OSBPL10: variants seen among roughly 807,000 people sequenced by gnomAD.
OSBPL10 encodes oxysterol binding protein like 10.
Under a neutral mutation model 81.7 loss-of-function variants are expected in OSBPL10, and 49 were observed. The ratio of observed to expected loss-of-function variants is 0.60; its 90% CI spans 0.48 to 0.76. The LOEUF (loss-of-function observed/expected upper bound fraction) is 0.76, where lower values mean the gene tolerates loss of function less well. OSBPL10 is among the 30% of genes least tolerant of loss of function. The pLI is 0.00. For missense variants in OSBPL10, 923 were observed against 987.8 expected (o/e 0.93, Z 0.88); for synonymous variants, 419 against 383.6 (o/e 1.09, Z -1.08).
intron 8 of OSBPL10, among the ~76,000 whole-genome samples, chr3:31,675,110 C>A (rs939361384): frequency 1.3e-5 from 2 of 152,160 alleles, no homozygotes; most frequent in Non-Finnish European, 2.9e-5. Context: ...GGCACCATAA[C>A]CTTGCCCCTG....
At position 31,748,899 on chromosome 3, in the gene OSBPL10, A is replaced by G. The variant is rs145007068; in HGVS notation, c.730-779T>C. Among the ~76,000 whole-genome samples the G allele has an allele frequency of 9.2e-5, 14 of 152,354 alleles. No individual in the cohort carries two copies. In the East Asian group the frequency reaches 2.7e-3, roughly 29 times the overall value. On this transcript the variant is annotated intron_variant, in intron 4 of 11. Transcript: ENST00000396556. ...GATCTAGAAAAGGACTTTAATGGTT[A>G]TCTTGTGAAGTTCATCCTCCTCATG... is the stretch of plus-strand genomic sequence containing the variant.
At chr3:31,890,313 C>T (rs188330388) in intron 1 of OSBPL10, among the ~76,000 whole-genome samples, 1 of 151,792 alleles carries the variant, frequency 6.6e-6, no homozygotes, top group East Asian at 1.9e-4. Context: ...TCAAAAACAG[C>T]CAAACCCCAG....
At chr3:31,829,097 A>T (rs1009723907) in intron 4 of OSBPL10, among the ~76,000 whole-genome samples, 3 of 152,192 alleles carry the variant, frequency 2.0e-5, no homozygotes, top group Admixed American at 6.5e-5. Context: ...TAAAAACTAA[A>T]GCCAGACGCA....
chr3:32,066,291 C>T (rs996157598), intron 1 of OSBPL10, among the ~76,000 whole-genome samples: 1 of 48,330 alleles, frequency 2.1e-5, no homozygotes, highest in East Asian at 4.3e-4. Flanking sequence ...ATAATCCTTT[C>T]AAGTCAGTTT....
intron 4 of OSBPL10, among the ~76,000 whole-genome samples, chr3:31,813,530 G>T (rs773136180): frequency 1.3e-5 from 2 of 152,210 alleles, no homozygotes; most frequent in Non-Finnish European, 2.9e-5. Context: ...ACTTCCTATT[G>T]TTGCCTTTAA....
intron 3 of OSBPL10, among the ~76,000 whole-genome samples, chr3:31,867,948 CATAGAATAGGTCT>C (rs1701223260): frequency 6.6e-6 from 1 of 152,138 alleles, no homozygotes; most frequent in African/African-American, 2.4e-5. Flanking sequence ...ACAGCCCAAA[CATAGAATAGGTCT>C]ATGGCCAAAG....
At chr3:31,773,392 C>T (rs771302617) in intron 4 of OSBPL10, among the ~76,000 whole-genome samples, 20 of 152,172 alleles carry the variant, frequency 1.3e-4, no homozygotes, top group Non-Finnish European at 2.6e-4. Context: ...AATGCCCAAA[C>T]ATGCAAAAAC....
chr3:31,847,725 A>C (rs1435635161), intron 3 of OSBPL10, among the ~76,000 whole-genome samples: 2 of 152,080 alleles, frequency 1.3e-5, no homozygotes, highest in African/African-American at 4.8e-5. Flanking sequence ...GAGGGAATTT[A>C]ATATGGAAAA....
At chr3:32,048,292 C>G (rs944200663) in intron 1 of OSBPL10, among the ~76,000 whole-genome samples, 1 of 147,254 alleles carries the variant, frequency 6.8e-6, no homozygotes, top group Non-Finnish European at 1.5e-5. Context: ...ACTGTCATCT[C>G]TCCTAGACAC....
intron 1 of OSBPL10, among the ~76,000 whole-genome samples, chr3:31,956,597 G>A (rs146431352): frequency 3.4e-4 from 52 of 152,074 alleles, no homozygotes; most frequent in Admixed American, 1.5e-3. Flanking sequence ...GCTTGGTGGC[G>A]GGCACCTGTA....
chr3:31,939,342 AC>A (rs1697474151), intron 1 of OSBPL10, among the ~76,000 whole-genome samples: 1 of 151,478 alleles, frequency 6.6e-6, no homozygotes, highest in Admixed American at 6.6e-5. Flanking sequence ...ACAGGGTTTC[AC>A]TATATTGGCC....
intron 4 of OSBPL10, among the ~76,000 whole-genome samples, chr3:31,814,968 A>C (rs1456525870): frequency 6.6e-6 from 1 of 152,202 alleles, no homozygotes; most frequent in Non-Finnish European, 1.5e-5. Flanking sequence ...TAAGCCATAA[A>C]ATATGGCAGA....
At chr3:32,065,944 G>GAAGA (rs774799990) in intron 1 of OSBPL10, among the ~76,000 whole-genome samples, 2,889 of 35,884 alleles carry the variant, frequency 0.081, 501 homozygotes, top group African/African-American at 0.086. Context: ...AAAGAAGAAA[G>GAAGA]AAGAAAGAAA....
At chr3:31,753,820 C>G (rs1299924702) in intron 4 of OSBPL10, among the ~76,000 whole-genome samples, 2 of 152,208 alleles carry the variant, frequency 1.3e-5, no homozygotes, top group African/African-American at 4.8e-5. Flanking sequence ...TACCAAACTT[C>G]CAGTTCTTGA....
chr3:32,028,989 C>CACACACACACACACA (rs1575088502), intron 2 of OSBPL10, among the ~76,000 whole-genome samples: 2 of 144,596 alleles, frequency 1.4e-5, no homozygotes, highest in African/African-American at 5.2e-5. Flanking sequence ...CACACACACA[C>CACACACACACACACA]CAGGAATGTT....
At chr3:31,789,349 C>T (rs571670808) in intron 4 of OSBPL10, among the ~76,000 whole-genome samples, 39 of 152,316 alleles carry the variant, frequency 2.6e-4, no homozygotes, top group African/African-American at 8.7e-4. Flanking sequence ...GGGTAGGTGA[C>T]ACTACCAAGG....
At chr3:31,935,727 T>C (rs1269951252) in intron 1 of OSBPL10, among the ~76,000 whole-genome samples, 2 of 152,090 alleles carry the variant, frequency 1.3e-5, no homozygotes, top group African/African-American at 4.8e-5. Context: ...TTTCACCATG[T>C]TGGTCAGGCT....
At chr3:32,024,826 A>T (rs148290983) in intron 2 of OSBPL10, among the ~76,000 whole-genome samples, 1 of 152,320 alleles carries the variant, frequency 6.6e-6, no homozygotes, top group East Asian at 1.9e-4. Context: ...GAACATGGAA[A>T]TATAATTAGC....
intron 7 of OSBPL10, among the ~76,000 whole-genome samples, chr3:31,702,102 C>T: frequency 6.6e-6 from 1 of 152,148 alleles, no homozygotes; most frequent in East Asian, 1.9e-4. Flanking sequence ...TTCTGATGTT[C>T]TCCCTGCCCT....
Sources: gnomAD v4.1 joint callset for allele counts (sites outside exome capture counted in the v4.1 genomes callset) on GRCh38, gnomAD v4.1.1 for gene constraint, MANE v1.5 for transcripts, NCBI Gene and HGNC (gene_info 2026-07-23, HGNC 2026-07-21) for gene names.